The following IL22RA2 variants were observed in gnomAD, a reference collection of about 807,000 sequenced individuals.
IL22RA2 encodes interleukin-22 receptor subunit alpha-2.
In IL22RA2, 39 loss-of-function variants were observed where a neutral mutation model predicts 30.7. The observed-to-expected ratio is 1.27, with a 90% CI of 0.98 to 1.66. The LOEUF (loss-of-function observed/expected upper bound fraction) is 1.66. IL22RA2 is among the 40% of genes most tolerant of loss of function. The probability of loss-of-function intolerance (pLI) is 0.00; values close to 1 mark genes in which losing one functional copy is unlikely to be tolerated. For missense variants in IL22RA2, 315 were observed against 312.7 expected (o/e 1.01, Z -0.05); for synonymous variants, 103 against 105.0 (o/e 0.98, Z 0.11).
chr6:137,158,518 G>T (rs1292033509), intron 2 of IL22RA2, 36 bp from the exon 3 acceptor site: 3 of 1,610,776 alleles, frequency 1.9e-6, no homozygotes, highest in Admixed American at 1.7e-5. Context: ...ATTGAACGTT[G>T]CTTGGAGCAC....
Position 137,145,588 on chromosome 6 carries a change from A to G in IL22RA2, c.*36T>C. The G allele has an allele frequency of 6.3e-7, 1 of 1,577,640 alleles. No individual in the cohort carries two copies. The highest frequency in any genetic ancestry group is 8.6e-7 in the Non-Finnish European group (1 of 1,161,736). Reference sequence around the variant, plus strand: ...AGTCATCCTGTTCTCAGGGAGCTTTAGAATTTCCACATTGCTGAATGCCAA... The same window carrying G: ...AGTCATCCTGTTCTCAGGGAGCTTTGGAATTTCCACATTGCTGAATGCCAA... On this transcript the variant is annotated 3_prime_UTR_variant, in exon 7 of 7. Coordinates refer to ENST00000296980, the MANE Select transcript of IL22RA2 (RefSeq NM_052962.3).
At chr6:137,163,790 A>G (rs1346403214) in intron 1 of IL22RA2, among the ~76,000 whole-genome samples, 1 of 152,056 alleles carries the variant, frequency 6.6e-6, no homozygotes, top group Non-Finnish European at 1.5e-5. Flanking sequence ...AGAAAGGAAA[A>G]CCATTTTGGG....
intron 1 of IL22RA2, 94 bp from the exon 2 acceptor site, chr6:137,161,908 T>C (rs921561502): frequency 1.5e-4 from 72 of 481,666 alleles, no homozygotes; most frequent in African/African-American, 1.2e-3. Flanking sequence ...CATTATATTA[T>C]TTTATTTTAG....
chr6:137,172,185 G>T (rs1778748294), intron 1 of IL22RA2, among the ~76,000 whole-genome samples: 1 of 152,182 alleles, frequency 6.6e-6, no homozygotes, highest in African/African-American at 2.4e-5. Flanking sequence ...TTCCAGCTAA[G>T]AATAAAAGGA....
In IL22RA2 at chr6:137,170,574, C is replaced by T. The variant is rs1025515583; in HGVS notation, c.-66+2839G>A. 5.9e-5 allele frequency among the ~76,000 whole-genome samples: 9 copies of T among 152,156 alleles called. No homozygotes were observed. The South Asian group carries it at 1.2e-3, about 21-fold the overall frequency. On this transcript the variant is annotated intron_variant, in intron 1 of 6. Coordinates refer to ENST00000296980, the MANE Select transcript of IL22RA2 (RefSeq NM_052962.3). ...GCCTTTGTTTCTTGCTTCTGTAACT[C>T]GATTCCCGCCTCACGTAGTTCCCAC...
At chr6:137,166,738 G>C (rs1421882008) in intron 1 of IL22RA2, among the ~76,000 whole-genome samples, 2 of 152,160 alleles carry the variant, frequency 1.3e-5, no homozygotes, top group Non-Finnish European at 2.9e-5. Context: ...AATAGCCCCT[G>C]GTTCATAAAA....
At chr6:137,147,933 T>C (rs767896597) in intron 5 of IL22RA2, 42 bp from the exon 6 acceptor site, 1 of 1,528,658 alleles carries the variant, frequency 6.5e-7, no homozygotes, top group Admixed American at 1.7e-5. Context: ...ATCAAAGGAA[T>C]GTATTATATA....
intron 2 of IL22RA2, among the ~76,000 whole-genome samples, chr6:137,160,560 G>A (rs1047834319): frequency 2.0e-5 from 3 of 152,172 alleles, no homozygotes; most frequent in Non-Finnish European, 4.4e-5. Context: ...TAGAAGCTGA[G>A]GCTATACTTT....
At chr6:137,162,588 T>C (rs928398734) in intron 1 of IL22RA2, among the ~76,000 whole-genome samples, 39 of 152,380 alleles carry the variant, frequency 2.6e-4, no homozygotes, top group African/African-American at 9.4e-4. Flanking sequence ...GCAGGTCATC[T>C]GTTCTCTGTC....
intron 2 of IL22RA2, among the ~76,000 whole-genome samples, chr6:137,161,480 C>G (rs1179565881): frequency 6.6e-6 from 1 of 152,132 alleles, no homozygotes; most frequent in South Asian, 2.1e-4. Flanking sequence ...CTCTAGAGAG[C>G]CTTTTCTTTA....
intron 5 of IL22RA2, among the ~76,000 whole-genome samples, chr6:137,154,346 G>T (rs1778353129): frequency 6.6e-6 from 1 of 152,146 alleles, no homozygotes; most frequent in Non-Finnish European, 1.5e-5. Flanking sequence ...TGGGCATGGT[G>T]GCTCACACCC....
chr6:137,165,217 C>T (rs182948295), intron 1 of IL22RA2, among the ~76,000 whole-genome samples: 215 of 152,324 alleles, frequency 1.4e-3, no homozygotes, highest in Non-Finnish European at 2.5e-3. Context: ...TCGGAAAGGT[C>T]TCAGAGGTTC....
At chr6:137,167,681 C>T (rs1778650552) in intron 1 of IL22RA2, among the ~76,000 whole-genome samples, 1 of 152,176 alleles carries the variant, frequency 6.6e-6, no homozygotes, top group Non-Finnish European at 1.5e-5. Context: ...TTCATCATAG[C>T]CGGCTGAAAC....
intron 6 of IL22RA2, 99 bp from the exon 7 acceptor site, chr6:137,145,872 T>C: frequency 3.2e-6 from 4 of 1,254,256 alleles, no homozygotes; most frequent in Non-Finnish European, 4.6e-6. Flanking sequence ...GTCACAGCAG[T>C]AGATGGGTTG....
chr6:137,162,197 G>A (rs1405538954), intron 1 of IL22RA2, among the ~76,000 whole-genome samples: 3 of 152,190 alleles, frequency 2.0e-5, no homozygotes, highest in African/African-American at 7.2e-5. Flanking sequence ...GGGTGATTTT[G>A]AGTAATGTGC....
intron 4 of IL22RA2, among the ~76,000 whole-genome samples, chr6:137,155,427 G>T (rs1438032315): frequency 4.0e-5 from 6 of 151,886 alleles, no homozygotes; most frequent in African/African-American, 1.5e-4. Flanking sequence ...GGGCCTTCTT[G>T]CTGGTGGGGA....
At chr6:137,155,232 T>G (rs191304353) in intron 4 of IL22RA2, 113 bp from the exon 5 acceptor site, 1 of 710,138 alleles carries the variant, frequency 1.4e-6, no homozygotes, top group South Asian at 2.2e-5. Context: ...ACCACCATGA[T>G]AGCTTATGGC....
intron 1 of IL22RA2, among the ~76,000 whole-genome samples, chr6:137,169,959 G>A (rs1415103306): frequency 2.6e-5 from 4 of 152,206 alleles, no homozygotes; most frequent in South Asian, 4.1e-4. Flanking sequence ...GTTGGAACCC[G>A]AGTTCACTCT....
chr6:137,154,912 C>T lies in IL22RA2; in HGVS notation c.472+29G>A, dbSNP rs988202284. The T allele has an allele frequency of 6.2e-6, 10 of 1,610,062 alleles. No individual in the cohort carries two copies. The African/African-American group carries it at 1.1e-4, about 17-fold the overall frequency. ...GAGGGCTGTCCAAAAGCAGGAAGAA[C>T]AAGGGCAAAGAAACTCCATGGAACT... On this transcript the variant is annotated intron_variant, in intron 5 of 6. Coordinates refer to ENST00000296980, the MANE Select transcript of IL22RA2 (RefSeq NM_052962.3).
Sources: allele counts gnomAD v4.1 joint callset (sites outside exome capture counted in the v4.1 genomes callset), GRCh38; gene constraint gnomAD v4.1.1; transcripts MANE v1.5; gene names NCBI Gene and HGNC (gene_info 2026-07-23, HGNC 2026-07-21).